RAB2B: variants seen among roughly 807,000 people sequenced by gnomAD.
RAB2B encodes ras-related protein Rab-2B.
RAB2B carries 20 observed loss-of-function variants against 29.8 expected under a neutral mutation model. The observed-to-expected ratio is 0.67, with a 90% CI of 0.47 to 0.97. RAB2B has a LOEUF of 0.97. RAB2B is among the 50% of genes least tolerant of loss of function. RAB2B has a pLI of 0.00. For synonymous variants in RAB2B, 93 were observed against 91.7 expected (o/e 1.01, Z -0.08); for missense variants, 218 against 272.0 (o/e 0.80, Z 1.40).
chr14:21,468,634 G>A (rs769503067), intron 4 of RAB2B, 36 bp downstream of exon 4: 2 of 1,493,196 alleles, frequency 1.3e-6, no homozygotes, highest in Non-Finnish European at 1.8e-6. Flanking sequence ...AGGATTTAGG[G>A]AAGAATCTCC....
In RAB2B at chr14:21,462,343, T is replaced by G; in HGVS notation, c.543+7A>C. ...AGTTAACTGCCAGCACTTCTACCCT[T>G]TCTTACCTCATTGTGGACATCAAAT... On this transcript the variant is annotated splice_region_variant and intron_variant, in intron 7 of 7. Coordinates refer to ENST00000397762, the MANE Select transcript of RAB2B (RefSeq NM_032846.4). The G allele has an allele frequency of 6.2e-7, 1 of 1,612,690 alleles. No homozygotes were observed. Among genetic ancestry groups the G allele is most frequent in the Non-Finnish European group, 8.5e-7 (1 of 1,179,416 alleles).
intron 2 of RAB2B, 52 bp from the exon 3 acceptor site, chr14:21,474,986 G>T: frequency 1.4e-6 from 2 of 1,478,702 alleles, no homozygotes; most frequent in Non-Finnish European, 1.9e-6. Flanking sequence ...CAGCAGCCAC[G>T]TGGAGTGGGA....
Position 21,459,487 on chromosome 14 carries a change from G to A in RAB2B, c.*1709C>T, listed in dbSNP as rs1047525070. On this transcript the variant is annotated 3_prime_UTR_variant, in exon 8 of 8. Transcript: ENST00000397762. ...AATGAACACATAATGAGTAGCACTA[G>A]GCACTGTAAAGGAATGATAGGGGGA... The A allele has an allele frequency of 6.6e-6, 1 of 152,098 alleles. No homozygotes were observed. The highest frequency in any genetic ancestry group is 2.4e-5 in the African/African-American group (1 of 41,412). The allele number at this position is 152,098 out of a possible 1,614,324, so 9.4% of individuals were successfully genotyped here. A position where few individuals can be genotyped will look rare whatever the true frequency, so the allele number is the denominator to read the frequency against.
intron 3 of RAB2B, among the ~76,000 whole-genome samples, chr14:21,473,277 T>C (rs761874982): frequency 1.3e-5 from 2 of 152,184 alleles, no homozygotes; most frequent in Admixed American, 6.5e-5. Context: ...CAGAATCACA[T>C]AGTAAGAAGT....
rs761034885 is a variant in RAB2B at position 21,460,255 on chromosome 14, C to T, written c.*941G>A. ...GTGTTCAAATAGAATGTCTTTGACC[C>T]TAATTCTTAGTGGGAAGTGGATTGT... On this transcript the variant is annotated 3_prime_UTR_variant, in exon 8 of 8. Coordinates refer to ENST00000397762, the MANE Select transcript of RAB2B (RefSeq NM_032846.4). The T allele has an allele frequency of 1.9e-6, 1 of 518,788 alleles. No homozygotes were observed. The highest frequency in any genetic ancestry group is 3.8e-6 in the Non-Finnish European group (1 of 259,812). The allele number at this position is 518,788 out of a possible 1,614,324, so 32.1% of individuals were successfully genotyped here.
intron 6 of RAB2B, among the ~76,000 whole-genome samples, chr14:21,463,224 C>T (rs1001326281): frequency 6.7e-6 from 1 of 149,964 alleles, no homozygotes; most frequent in Non-Finnish European, 1.5e-5. Context: ...GACATGTAGT[C>T]ACTACGATCA....
chr14:21,468,669 C>T lies in RAB2B; in HGVS notation c.269+1G>A. 6.4e-7 allele frequency: 1 copy of T among 1,558,652 alleles called. No homozygotes were observed. The highest frequency in any genetic ancestry group is 8.6e-7 in the Non-Finnish European group (1 of 1,157,186). On this transcript the variant is annotated splice_donor_variant, in intron 4 of 7. Transcript: ENST00000397762. LOFTEE classifies it high-confidence loss of function. ...CCTCCCATGCACCAGATCTGGCTCA[C>T]CTTGTAATGTCGTACACCAGCAGTG...
chr14:21,466,156 C>T (rs1890681418), intron 5 of RAB2B, among the ~76,000 whole-genome samples: 1 of 152,164 alleles, frequency 6.6e-6, no homozygotes, highest in Non-Finnish European at 1.5e-5. Context: ...CAGAATCTGG[C>T]ACAGTCGTTT....
intron 5 of RAB2B, among the ~76,000 whole-genome samples, chr14:21,467,624 A>G (rs1021476582): frequency 2.0e-5 from 3 of 152,230 alleles, no homozygotes; most frequent in African/African-American, 7.2e-5. Flanking sequence ...TGCTGGAAAG[A>G]ATGTAAAATG....
chr14:21,468,207 A>C, intron 5 of RAB2B, 150 bp downstream of exon 5: 2 of 597,040 alleles, frequency 3.3e-6, no homozygotes, highest in Non-Finnish European at 5.9e-6. Flanking sequence ...AAAATGGTAA[A>C]TTTTGTGTCA....
At chr14:21,476,085 A>G (rs1018526468) in intron 2 of RAB2B, among the ~76,000 whole-genome samples, 1 of 152,198 alleles carries the variant, frequency 6.6e-6, no homozygotes, top group African/African-American at 2.4e-5. Context: ...GAAAGTTTTT[A>G]GTTTTATTTG....
intron 3 of RAB2B, among the ~76,000 whole-genome samples, chr14:21,473,177 G>A (rs974421609): frequency 1.3e-5 from 2 of 152,138 alleles, no homozygotes; most frequent in Admixed American, 6.5e-5. Flanking sequence ...GGGGAGGGAA[G>A]GAGAGGAAAG....
intron 3 of RAB2B, among the ~76,000 whole-genome samples, chr14:21,472,771 G>A (rs1441430469): frequency 2.0e-5 from 3 of 150,312 alleles, no homozygotes; most frequent in Non-Finnish European, 2.9e-5. Context: ...GCAGAATCAA[G>A]CTCTCAACTT....
chr14:21,467,093 CA>C (rs1890703889), intron 5 of RAB2B, among the ~76,000 whole-genome samples: 1 of 151,506 alleles, frequency 6.6e-6, no homozygotes, highest in Non-Finnish European at 1.5e-5. Flanking sequence ...TTTTTCAGTA[CA>C]GACGGGGTTT....
intron 4 of RAB2B, 80 bp downstream of exon 4, chr14:21,468,590 G>C: frequency 8.1e-7 from 1 of 1,239,146 alleles, no homozygotes; most frequent in East Asian, 2.4e-5. Flanking sequence ...ATCCTTAACA[G>C]AATCAGTAGA....
rs61115443 is a variant in RAB2B, at chr14:21,472,821, T to TA, written c.186+2045dup. The stretch of plus-strand genomic sequence containing the variant: ...TCCAACCATGTCCCATATGAGTGCT[T>TA]AAAAAAAAAAAAAAAAGGCCATTGC... On this transcript the variant is annotated intron_variant, in intron 3 of 7. Coordinates refer to ENST00000397762, the MANE Select transcript of RAB2B (RefSeq NM_032846.4). Among the ~76,000 whole-genome samples the TA allele has an allele frequency of 3.0e-3, 395 of 131,006 alleles. 2 individuals carry two copies. Among genetic ancestry groups the TA allele is most frequent in the South Asian group, 7.8e-3 (32 of 4,116 alleles). The allele number at this position is 131,006 out of a possible 152,430, so 85.9% of individuals were successfully genotyped here.
Position 21,459,721 on chromosome 14 carries a change from A to G in RAB2B, c.*1475T>C, listed in dbSNP as rs1480871083. ...TGTTAATAACTGCTTAGCAGTACCT[A>G]AGTCTGTTACTAAAGAAAAAATTTT... On this transcript the variant is annotated 3_prime_UTR_variant, in exon 8 of 8. Transcript: ENST00000397762. The G allele has an allele frequency of 6.4e-6, 1 of 157,380 alleles. No homozygotes were observed. Among genetic ancestry groups the G allele is most frequent in the African/African-American group, 2.4e-5 (1 of 41,504 alleles). 9.7% of individuals were successfully genotyped at this position (157,380 alleles called of 1,614,324 possible). A position where few individuals can be genotyped will look rare whatever the true frequency, so the allele number is the denominator to read the frequency against.
At position 21,463,251 on chromosome 14, in the gene RAB2B, T is replaced by TC. The variant is rs1025489130; in HGVS notation, c.474+404_474+405insG. ...CTACGATCAGAAGACATTCTTTCTTTTTTTTTTTTTTTGGAGATGGAGTTT... is the reference window on the plus strand; with the variant it reads ...CTACGATCAGAAGACATTCTTTCTTTCTTTTTTTTTTTTGGAGATGGAGTTT... On this transcript the variant is annotated intron_variant, in intron 6 of 7. Coordinates refer to ENST00000397762, the MANE Select transcript of RAB2B (RefSeq NM_032846.4). 3.3e-5 allele frequency among the ~76,000 whole-genome samples: 5 copies of TC among 150,228 alleles called. No individual in the cohort carries two copies. The East Asian group carries it at 5.8e-4, about 18-fold the overall frequency.
rs1235080123 is a variant in RAB2B at position 21,470,637 on chromosome 14, C to T, written c.187-1885G>A. The stretch of plus-strand genomic sequence containing the variant: ...AAAAATACTTACAGTTTTATATTTA[C>T]TCCCTAATGTCTTACGTTATTTGGG... On this transcript the variant is annotated intron_variant, in intron 3 of 7. Coordinates refer to ENST00000397762, the MANE Select transcript of RAB2B (RefSeq NM_032846.4). 9.2e-5 allele frequency among the ~76,000 whole-genome samples: 14 copies of T among 152,172 alleles called. No individual in the cohort carries two copies. The East Asian group carries it at 2.7e-3, about 29-fold the overall frequency.
Sources: allele counts gnomAD v4.1 joint callset (sites outside exome capture counted in the v4.1 genomes callset), GRCh38; gene constraint gnomAD v4.1.1; transcripts MANE v1.5; gene names NCBI Gene and HGNC (gene_info 2026-07-23, HGNC 2026-07-21).